CALCRL: variants seen among roughly 807,000 people sequenced by gnomAD.
CALCRL encodes calcitonin gene-related peptide type 1 receptor.
Under a neutral mutation model 60.4 loss-of-function variants are expected in CALCRL, and 27 were observed. The ratio of observed to expected loss-of-function variants is 0.45; its 90% CI spans 0.33 to 0.62. The LOEUF (loss-of-function observed/expected upper bound fraction) is 0.62, where lower values mean the gene tolerates loss of function less well. Among genes scored for constraint, CALCRL ranks in the 20% least tolerant of loss-of-function variants. CALCRL has a pLI of 0.03. For missense variants in CALCRL, 424 were observed against 540.7 expected (o/e 0.78, Z 2.14); for synonymous variants, 190 against 182.6 (o/e 1.04, Z -0.33).
In CALCRL at chr2:187,359,095, TG is replaced by T; in HGVS notation, c.876del (p.Tyr292Ter). The T allele has an allele frequency of 6.2e-7, 1 of 1,613,320 alleles. No homozygotes were observed. Among genetic ancestry groups the T allele is most frequent in the Non-Finnish European group, 8.5e-7 (1 of 1,179,414 alleles). On this transcript the variant is annotated frameshift_variant, in exon 12 of 15. Transcript: ENST00000392370. LOFTEE classifies it high-confidence loss of function. ...GCAGCACAAATTGGGCCATGGATAA[TG>T]TAGAGGAGATGGGTATCAGAACTGA... is the stretch of plus-strand genomic sequence containing the variant. ...CWISSDTHLL[Y>X]IIHGPICAAL... is the part of the protein sequence containing the mutation.
intron 1 of CALCRL, among the ~76,000 whole-genome samples, chr2:187,446,019 T>C (rs1306040792): frequency 6.6e-6 from 1 of 151,088 alleles, no homozygotes; most frequent in African/African-American, 2.4e-5. Flanking sequence ...GTATGTAAGA[T>C]AGAAAAAAAA....
chr2:187,435,394 T>C (rs2105899945), intron 1 of CALCRL, among the ~76,000 whole-genome samples: 1 of 152,266 alleles, frequency 6.6e-6, no homozygotes, highest in African/African-American at 2.4e-5. Flanking sequence ...AAGGGGATGG[T>C]GCTAGGTCAT....
intron 1 of CALCRL, among the ~76,000 whole-genome samples, chr2:187,404,176 A>G (rs986306659): frequency 1.4e-4 from 22 of 151,944 alleles, no homozygotes; most frequent in Non-Finnish European, 2.2e-4. Flanking sequence ...ATGCCCCGTC[A>G]TGCTTGACAG....
chr2:187,397,094 T>C (rs1688688983), intron 1 of CALCRL, among the ~76,000 whole-genome samples: 1 of 151,754 alleles, frequency 6.6e-6, no homozygotes, highest in Non-Finnish European at 1.5e-5. Context: ...TAAAATTAGA[T>C]AATACAAACT....
At chr2:187,424,742 G>T (rs1232144199) in intron 1 of CALCRL, among the ~76,000 whole-genome samples, 1 of 151,940 alleles carries the variant, frequency 6.6e-6, no homozygotes, top group African/African-American at 2.4e-5. Flanking sequence ...TAAATGAATT[G>T]TGGTATGGCC....
intron 1 of CALCRL, among the ~76,000 whole-genome samples, chr2:187,421,463 G>A (rs893983450): frequency 6.6e-6 from 1 of 152,086 alleles, no homozygotes; most frequent in Admixed American, 6.5e-5. Flanking sequence ...TCTTTCATAG[G>A]ACCACCATAG....
chr2:187,413,628 G>A (rs2105853867), intron 1 of CALCRL, among the ~76,000 whole-genome samples: 1 of 152,266 alleles, frequency 6.6e-6, no homozygotes, highest in Non-Finnish European at 1.5e-5. Flanking sequence ...ACTCTGCAAA[G>A]TAATTGTTAA....
chr2:187,358,778 A>G (rs995610099), intron 12 of CALCRL, among the ~76,000 whole-genome samples: 1 of 152,106 alleles, frequency 6.6e-6, no homozygotes, highest in Non-Finnish European at 1.5e-5. Context: ...GACTCCTCCC[A>G]ATGCTCATTT....
At chr2:187,373,720 CTT>C (rs1687627592) in intron 8 of CALCRL, among the ~76,000 whole-genome samples, 1 of 152,162 alleles carries the variant, frequency 6.6e-6, no homozygotes, top group Admixed American at 6.5e-5. Flanking sequence ...TTATCTCAGC[CTT>C]TATAGCAAAT....
At chr2:187,438,341 GGTCATTGACA>G (rs1194725275) in intron 1 of CALCRL, among the ~76,000 whole-genome samples, 1 of 152,096 alleles carries the variant, frequency 6.6e-6, no homozygotes, top group Non-Finnish European at 1.5e-5. Flanking sequence ...AATGAGGTAA[GGTCATTGACA>G]GTTGGCATTG....
At chr2:187,394,248 G>A (rs540706172) in intron 1 of CALCRL, among the ~76,000 whole-genome samples, 68 of 152,102 alleles carry the variant, frequency 4.5e-4, no homozygotes, top group Middle Eastern at 3.4e-3. Flanking sequence ...CAACCACAAG[G>A]AATTGAATTC....
chr2:187,347,203 T>A (rs1022073696), intron 14 of CALCRL, among the ~76,000 whole-genome samples: 1 of 151,802 alleles, frequency 6.6e-6, no homozygotes, highest in Admixed American at 6.6e-5. Context: ...TTCTTCATTG[T>A]CAGTCAATGG....
intron 8 of CALCRL, among the ~76,000 whole-genome samples, chr2:187,366,919 C>G (rs1183902906): frequency 6.5e-5 from 5 of 77,270 alleles, no homozygotes; most frequent in African/African-American, 2.2e-4. Context: ...TGAGTATAAC[C>G]CCACACACAC....
At chr2:187,426,067 TTTAAA>T (rs1326794867) in intron 1 of CALCRL, among the ~76,000 whole-genome samples, 1 of 151,774 alleles carries the variant, frequency 6.6e-6, no homozygotes, top group Non-Finnish European at 1.5e-5. Flanking sequence ...ATTTTTATAC[TTTAAA>T]TTATTTTTAG....
At chr2:187,405,928 G>C (rs1689099056) in intron 1 of CALCRL, among the ~76,000 whole-genome samples, 2 of 150,498 alleles carry the variant, frequency 1.3e-5, no homozygotes. Flanking sequence ...TTTAAGTCCT[G>C]TGTGTGTATA....
At chr2:187,445,153 C>G (rs1574336954) in intron 1 of CALCRL, among the ~76,000 whole-genome samples, 1 of 151,572 alleles carries the variant, frequency 6.6e-6, no homozygotes, top group Non-Finnish European at 1.5e-5. Flanking sequence ...TAAGCGTATT[C>G]TCCAATATTC....
rs1290517176 is a variant in CALCRL at position 187,342,016 on chromosome 2, T to A, written c.*4168A>T. Among the ~76,000 whole-genome samples the A allele has an allele frequency of 1.3e-5, 2 of 151,754 alleles. No individual in the cohort carries two copies. Among genetic ancestry groups the A allele is most frequent in the Non-Finnish European group, 2.9e-5 (2 of 67,800 alleles). On this transcript the variant is annotated 3_prime_UTR_variant, in exon 15 of 15. Coordinates refer to ENST00000392370, the MANE Select transcript of CALCRL (RefSeq NM_005795.6). The stretch of plus-strand genomic sequence containing the variant: ...AAAAGGTAAAAGCAAAACAAACATA[T>A]CCATCAACAGACAAATGAATAAATA...
intron 12 of CALCRL, among the ~76,000 whole-genome samples, chr2:187,352,831 A>G (rs1303298225): frequency 6.6e-6 from 1 of 151,938 alleles, no homozygotes; most frequent in East Asian, 1.9e-4. Context: ...TTCTAGTAAC[A>G]ATAATCTTTA....
intron 7 of CALCRL, among the ~76,000 whole-genome samples, chr2:187,379,563 T>G (rs533280372): frequency 2.6e-5 from 4 of 152,264 alleles, no homozygotes; most frequent in South Asian, 4.1e-4. Flanking sequence ...TTTTTTATTT[T>G]TATTTGTCTG....
Sources: gnomAD v4.1 joint callset for allele counts (sites outside exome capture counted in the v4.1 genomes callset) on GRCh38, gnomAD v4.1.1 for gene constraint, MANE v1.5 for transcripts, NCBI Gene and HGNC (gene_info 2026-07-23, HGNC 2026-07-21) for gene names.